The following DACH2 variants were observed in gnomAD, a reference collection of about 807,000 sequenced individuals.
DACH2 encodes dachshund family transcription factor 2, also known as dachshund homolog 2.
DACH2 carries 17 observed loss-of-function variants against 35.8 expected under a neutral mutation model. The ratio of observed to expected loss-of-function variants is 0.48; its 90% CI spans 0.33 to 0.71. The LOEUF (loss-of-function observed/expected upper bound fraction) is 0.71. Ranked by LOEUF, DACH2 falls within the 30% of genes least tolerant of loss-of-function variation. DACH2 has a pLI of 0.02. For missense variants in DACH2, 469 were observed against 472.7 expected, an observed-to-expected ratio of 0.99 and a Z score of 0.07; for synonymous variants, 195 against 177.3, an observed-to-expected ratio of 1.10 and a Z score of -0.79.
At chrX:86,650,950 G>A (rs2040470880) in intron 3 of DACH2, 86 bp from the exon 4 acceptor site, 9 of 852,501 alleles carry the variant, frequency 1.1e-5, no homozygotes, top group Non-Finnish European at 1.4e-5. Flanking sequence ...CATGTGAAAA[G>A]CCTGCACTTG....
At position 86,167,739 on chromosome X, in the gene DACH2, T is replaced by C. The variant is rs187110340; in HGVS notation, c.488+18631T>C. On this transcript the variant is annotated intron_variant, in intron 1 of 11. Coordinates refer to ENST00000373125, the MANE Select transcript of DACH2 (RefSeq NM_053281.3). ...TGAATCCCATAGTTTTGGTATTTTGTGGTTCTATTATTTGTTTCAGTACAA... is the reference window on the plus strand; with the variant it reads ...TGAATCCCATAGTTTTGGTATTTTGCGGTTCTATTATTTGTTTCAGTACAA... 3.0e-4 allele frequency among the ~76,000 whole-genome samples: 34 copies of C among 111,527 alleles called. 1 individual carries two copies. The Admixed American group carries it at 3.1e-3, about 10-fold the overall frequency.
At chrX:86,496,295 T>G (rs1367443946) in intron 2 of DACH2, among the ~76,000 whole-genome samples, 1 of 111,627 alleles carries the variant, frequency 9.0e-6, no homozygotes, top group Non-Finnish European at 1.9e-5. Context: ...TTTTATATTC[T>G]TTTTATATCA....
intron 1 of DACH2, among the ~76,000 whole-genome samples, chrX:86,360,552 A>G (rs751355285): frequency 7.7e-4 from 86 of 111,860 alleles, no homozygotes; most frequent in Non-Finnish European, 1.1e-3. Context: ...TTTACATTTT[A>G]TCATATCAAC....
intron 1 of DACH2, among the ~76,000 whole-genome samples, chrX:86,366,838 C>T (rs1374348991): frequency 9.0e-6 from 1 of 110,671 alleles, no homozygotes; most frequent in Non-Finnish European, 1.9e-5. Flanking sequence ...CCTATTTCCC[C>T]TTTGCCTTCC....
chrX:86,530,776 A>G (rs1203741867), intron 3 of DACH2, among the ~76,000 whole-genome samples: 1 of 112,016 alleles, frequency 8.9e-6, no homozygotes, highest in Non-Finnish European at 1.9e-5. Context: ...AGGCTGGAAG[A>G]ATTTGGAGGG....
rs868638417 is a variant in DACH2, at chrX:86,393,971, C to T, written c.527+17109C>T. ...TTATTATTATTATTATTATTATTTT[C>T]ATCATTATAAATGTCTTTTTTTTCC... On this transcript the variant is annotated intron_variant, in intron 2 of 11. Coordinates refer to ENST00000373125, the MANE Select transcript of DACH2 (RefSeq NM_053281.3). 1.7e-4 allele frequency among the ~76,000 whole-genome samples: 17 copies of T among 100,044 alleles called. No individual in the cohort carries two copies. In the South Asian group the frequency reaches 8.1e-3, roughly 47 times the overall value. The allele number at this position is 100,044 out of a possible 115,157, so 86.9% of individuals were successfully genotyped here.
chrX:86,773,778 C>T (rs1223310484), intron 7 of DACH2, among the ~76,000 whole-genome samples: 1 of 111,734 alleles, frequency 8.9e-6, no homozygotes, highest in Non-Finnish European at 1.9e-5. Flanking sequence ...ACCTCACCAC[C>T]ACCACCACAT....
intron 4 of DACH2, among the ~76,000 whole-genome samples, chrX:86,672,447 G>T (rs766047353): frequency 9.0e-6 from 1 of 111,081 alleles, no homozygotes; most frequent in Admixed American, 9.6e-5. Flanking sequence ...AGGGAAGAAT[G>T]ATATTGTAGG....
chrX:86,682,040 A>G (rs2040887803), intron 4 of DACH2, among the ~76,000 whole-genome samples: 1 of 111,194 alleles, frequency 9.0e-6, no homozygotes, highest in Non-Finnish European at 1.9e-5. Context: ...AAAAGACTTC[A>G]CTTTAAAGGA....
intron 4 of DACH2, among the ~76,000 whole-genome samples, chrX:86,667,497 AAGAG>A (rs771919980): frequency 1.7e-5 from 1 of 58,827 alleles, no homozygotes; most frequent in African/African-American, 7.9e-5. Context: ...GAAAGAAAGA[AAGAG>A]AAAGAAAGAA....
intron 3 of DACH2, among the ~76,000 whole-genome samples, chrX:86,579,395 C>A (rs1477299197): frequency 4.5e-5 from 5 of 110,940 alleles, no homozygotes; most frequent in Non-Finnish European, 9.4e-5. Context: ...ACCCAGCTAC[C>A]ATTTTTTAGT....
chrX:86,570,539 G>A (rs1292521239), intron 3 of DACH2, among the ~76,000 whole-genome samples: 1 of 110,877 alleles, frequency 9.0e-6, no homozygotes, highest in East Asian at 2.9e-4. Flanking sequence ...GCTGAACAAT[G>A]AGAACACATG....
rs752562530 is a variant in DACH2, at chrX:86,385,312, A to G, written c.527+8450A>G. Among the ~76,000 whole-genome samples the G allele has an allele frequency of 5.4e-5, 6 of 111,772 alleles. No homozygotes were observed. In the East Asian group the frequency reaches 1.7e-3, roughly 32 times the overall value. Reference sequence around the variant, plus strand: ...CATTATAGCACCCACTGTATTCAGAACATTAAGTGAAGGGATTTGGAACAT... The same window carrying G: ...CATTATAGCACCCACTGTATTCAGAGCATTAAGTGAAGGGATTTGGAACAT... On this transcript the variant is annotated intron_variant, in intron 2 of 11. Transcript: ENST00000373125.
chrX:86,416,676 G>A (rs902698131), intron 2 of DACH2, among the ~76,000 whole-genome samples: 2 of 111,351 alleles, frequency 1.8e-5, no homozygotes, highest in Non-Finnish European at 3.8e-5. Context: ...TGTGGTGCCA[G>A]CATCGGCTTC....
intron 1 of DACH2, among the ~76,000 whole-genome samples, chrX:86,254,777 A>ATATATAT (rs1556004208): frequency 7.0e-5 from 1 of 14,228 alleles, no homozygotes; most frequent in Non-Finnish European, 1.4e-4. Flanking sequence ...TATTCAAATA[A>ATATATAT]ATAAATATAT....
chrX:86,358,891 T>G (rs2035688004), intron 1 of DACH2, among the ~76,000 whole-genome samples: 1 of 111,608 alleles, frequency 9.0e-6, no homozygotes, highest in Non-Finnish European at 1.9e-5. Flanking sequence ...AACCTTGAGC[T>G]CCTTGGATAA....
intron 3 of DACH2, among the ~76,000 whole-genome samples, chrX:86,544,628 G>C (rs185157913): frequency 9.0e-6 from 1 of 111,201 alleles, no homozygotes; most frequent in African/African-American, 3.3e-5. Flanking sequence ...GGCCTTACAA[G>C]AGGTCCTGAA....
At chrX:86,309,442 T>C (rs938125024) in intron 1 of DACH2, among the ~76,000 whole-genome samples, 13 of 110,082 alleles carry the variant, frequency 1.2e-4, no homozygotes, top group African/African-American at 4.4e-4. Context: ...AATATACCTT[T>C]ACTGTCCTAC....
At chrX:86,823,993 A>G (rs2042538721) in intron 11 of DACH2, among the ~76,000 whole-genome samples, 1 of 111,993 alleles carries the variant, frequency 8.9e-6, no homozygotes, top group African/African-American at 3.2e-5. Context: ...ATTACTGATA[A>G]GCGTATATGT....
Sources: allele counts gnomAD v4.1 joint callset (sites outside exome capture counted in the v4.1 genomes callset), GRCh38; gene constraint gnomAD v4.1.1; transcripts MANE v1.5; gene names NCBI Gene and HGNC (gene_info 2026-07-23, HGNC 2026-07-21).